The following DNAH6 variants were observed in gnomAD, a reference collection of about 807,000 sequenced individuals.
DNAH6 encodes the protein axonemal beta dynein heavy chain 6.
Under a neutral mutation model 491.4 loss-of-function variants are expected in DNAH6, and 340 were observed. The ratio of observed to expected loss-of-function variants is 0.69; its 90% CI spans 0.63 to 0.76. The LOEUF (loss-of-function observed/expected upper bound fraction) is 0.76. Among genes scored for constraint, DNAH6 ranks in the 30% least tolerant of loss-of-function variants. The pLI, the probability that DNAH6 is intolerant of heterozygous loss-of-function variation, is 0.00. For missense variants in DNAH6, 4,443 were observed against 4,972.2 expected, an observed-to-expected ratio of 0.89 and a Z score of 3.20; for synonymous variants, 1,603 against 1,686.1, an observed-to-expected ratio of 0.95 and a Z score of 1.21.
Position 84,659,029 on chromosome 2 carries a change from C to A in DNAH6, c.5944C>A (p.Gln1982Lys). 1 of 1,422,492 alleles carries A rather than the reference C, an allele frequency of 7.0e-7. No homozygotes were observed. The highest frequency in any genetic ancestry group is 9.5e-7 in the Non-Finnish European group (1 of 1,050,470). 88.1% of individuals were successfully genotyped at this position (1,422,492 alleles called of 1,614,324 possible). Residue 1982 changes from glutamine to lysine, a missense_variant, in exon 37 of 77, where the codon CAA (glutamine) becomes AAA (lysine). Coordinates refer to ENST00000389394, the MANE Select transcript of DNAH6 (RefSeq NM_001370.2). Reference protein sequence around the residue: ...GKDGVNLAMEQTKLNTILCQT... With the variant: ...GKDGVNLAMEKTKLNTILCQT... ...CTGTTTCTCTTTATTCTTTCAGGAA[C>A]AAACAAAATTGAACACTATACTATG...
intron 14 of DNAH6, among the ~76,000 whole-genome samples, chr2:84,581,044 G>A (rs1573092957): frequency 6.6e-6 from 1 of 152,198 alleles, no homozygotes; most frequent in Non-Finnish European, 1.5e-5. Flanking sequence ...GCTATAGCTT[G>A]CAAGTCTAGC....
chr2:84,582,810 G>C (rs1218452661), intron 14 of DNAH6, among the ~76,000 whole-genome samples: 1 of 152,186 alleles, frequency 6.6e-6, no homozygotes, highest in African/African-American at 2.4e-5. Flanking sequence ...TAAAGATTGA[G>C]AACTATTTCT....
intron 17 of DNAH6, among the ~76,000 whole-genome samples, chr2:84,594,882 A>C (rs970284759): frequency 2.5e-4 from 38 of 152,194 alleles, no homozygotes; most frequent in Non-Finnish European, 4.9e-4. Flanking sequence ...TTTGGTGGAG[A>C]AAATAGAAAA....
chr2:84,754,461 C>T (rs527404265), intron 63 of DNAH6, among the ~76,000 whole-genome samples: 1 of 150,532 alleles, frequency 6.6e-6, no homozygotes, highest in African/African-American at 2.4e-5. Context: ...GATTACAGGC[C>T]TGAGCCACCA....
At chr2:84,816,571 A>T (rs1403899420) in intron 76 of DNAH6, among the ~76,000 whole-genome samples, 1 of 152,174 alleles carries the variant, frequency 6.6e-6, no homozygotes, top group Admixed American at 6.5e-5. Flanking sequence ...TAAATACAAA[A>T]AATTAGCCAG....
chr2:84,812,406 A>T lies in DNAH6; in HGVS notation c.11805A>T (p.Lys3935Asn). The T allele has an allele frequency of 6.4e-7, 1 of 1,551,834 alleles. No individual in the cohort carries two copies. The highest frequency in any genetic ancestry group is 1.2e-5 in the South Asian group (1 of 84,056). Residue 3935 changes from lysine (K) to asparagine (N), a missense_variant, in exon 73 of 77, where the codon AAA (lysine) becomes AAT (asparagine). Physicochemically the swap from Lys to Asn is moderately conservative, Grantham distance 94. Around this residue, in one of 3 missense-constraint regions of DNAH6, gnomAD observed 1,463 missense variants for 1,656.6 expected, o/e 0.88. Coordinates refer to ENST00000389394, the MANE Select transcript of DNAH6 (RefSeq NM_001370.2). ...TGGTGATGTCTGAAGAAATGGAAAA[A>T]GTGTATAACAGTTTCCTCAACAACC... is the stretch of plus-strand genomic sequence containing the variant. ...GFVVMSEEME[K>N]VYNSFLNNQV... is the part of the protein sequence containing the mutation.
At chr2:84,795,043 TTGGAAA>T (rs1678197678) in intron 68 of DNAH6, among the ~76,000 whole-genome samples, 1 of 146,968 alleles carries the variant, frequency 6.8e-6, no homozygotes, top group African/African-American at 2.5e-5. Flanking sequence ...ATGGATGAAA[TTGGAAA>T]TCATCATTCT....
chr2:84,708,836 A>G (rs1696774821), intron 54 of DNAH6, among the ~76,000 whole-genome samples: 1 of 152,206 alleles, frequency 6.6e-6, no homozygotes, highest in Non-Finnish European at 1.5e-5. Context: ...CAGGAGCTCT[A>G]AGCTCTTAGG....
At chr2:84,636,565 A>G (rs1029675155) in intron 30 of DNAH6, among the ~76,000 whole-genome samples, 1 of 152,190 alleles carries the variant, frequency 6.6e-6, no homozygotes, top group Non-Finnish European at 1.5e-5. Context: ...CTCACCTGCA[A>G]CAGGTGCTCA....
intron 64 of DNAH6, among the ~76,000 whole-genome samples, chr2:84,770,132 C>T (rs1038051153): frequency 6.6e-6 from 1 of 152,144 alleles, no homozygotes; most frequent in Admixed American, 6.5e-5. Flanking sequence ...TAGCTGAACA[C>T]TAAACTGATT....
At chr2:84,577,043 A>G (rs1468078399) in intron 12 of DNAH6, among the ~76,000 whole-genome samples, 1 of 152,198 alleles carries the variant, frequency 6.6e-6, no homozygotes, top group African/African-American at 2.4e-5. Context: ...ACATATTTAC[A>G]TTATAAAATA....
At chr2:84,639,194 T>C (rs1019180425) in intron 31 of DNAH6, among the ~76,000 whole-genome samples, 5 of 152,140 alleles carry the variant, frequency 3.3e-5, no homozygotes, top group African/African-American at 1.2e-4. Context: ...TCTTTACTCT[T>C]GACCCTCTCT....
At chr2:84,778,214 G>A in intron 64 of DNAH6, 1 of 664,454 alleles carries the variant, frequency 1.5e-6, no homozygotes, top group South Asian at 1.6e-5. Flanking sequence ...TGATCCTTGA[G>A]AGTTGCCATA....
intron 52 of DNAH6, 32 bp downstream of exon 52, chr2:84,705,779 A>C: frequency 7.2e-6 from 11 of 1,523,112 alleles, no homozygotes; most frequent in Non-Finnish European, 9.7e-6. Context: ...ATTTTATAGA[A>C]TTGAAGGCCA....
intron 46 of DNAH6, among the ~76,000 whole-genome samples, chr2:84,695,217 G>A (rs557644126): frequency 2.2e-3 from 335 of 152,218 alleles, no homozygotes; most frequent in South Asian, 6.2e-3. Flanking sequence ...GATAGAATGT[G>A]AATACACAGT....
At chr2:84,669,556 C>A in intron 38 of DNAH6, 46 bp downstream of exon 38, 1 of 1,453,756 alleles carries the variant, frequency 6.9e-7, no homozygotes, top group Non-Finnish European at 9.4e-7. Context: ...AATGTGAGGG[C>A]ATGATGGACT....
chr2:84,787,186 T>C lies in DNAH6; in HGVS notation c.11123T>C (p.Leu3708Pro). Reference protein sequence around the residue: ...IIQERKKFGPLGWNICYEFND... With the variant: ...IIQERKKFGPPGWNICYEFND... Reference sequence around the variant, plus strand: ...TAGGAGAGAAAGAAGTTTGGCCCCCTTGGTTGGAATATCTGCTATGAATTT... The same window carrying C: ...TAGGAGAGAAAGAAGTTTGGCCCCCCTGGTTGGAATATCTGCTATGAATTT... Residue 3708 changes from leucine to proline, a missense_variant, in exon 68 of 77, where the codon CTT (leucine) becomes CCT (proline). Transcript: ENST00000389394. The C allele has an allele frequency of 1.3e-6, 2 of 1,528,996 alleles. No homozygotes were observed. Among genetic ancestry groups the C allele is most frequent in the Non-Finnish European group, 1.8e-6 (2 of 1,136,228 alleles). The allele number at this position is 1,528,996 out of a possible 1,614,324, so 94.7% of individuals were successfully genotyped here. A position where few individuals can be genotyped will look rare whatever the true frequency, so the allele number is the denominator to read the frequency against.
intron 56 of DNAH6, among the ~76,000 whole-genome samples, 174 bp from the exon 57 acceptor site, chr2:84,712,919 TTA>T: frequency 6.6e-6 from 1 of 152,358 alleles, no homozygotes; most frequent in East Asian, 1.9e-4. Context: ...AATAAAATGC[TTA>T]CTGGAAAATA....
chr2:84,583,933 A>G (rs1002397064), intron 14 of DNAH6, 66 bp from the exon 15 acceptor site: 1 of 1,538,978 alleles, frequency 6.5e-7, no homozygotes, highest in Admixed American at 1.8e-5. Flanking sequence ...GTCTCCTGTT[A>G]GAACAAACTT....
Sources: allele counts gnomAD v4.1 joint callset (sites outside exome capture counted in the v4.1 genomes callset), GRCh38; gene constraint gnomAD v4.1.1; regional missense constraint gnomAD v4.1.1; transcripts MANE v1.5; gene names NCBI Gene and HGNC (gene_info 2026-07-23, HGNC 2026-07-21).